The following PTH2R variants were observed in gnomAD, a reference collection of about 807,000 sequenced individuals.
PTH2R encodes parathyroid hormone 2 receptor.
PTH2R carries 59 observed loss-of-function variants against 60.3 expected under a neutral mutation model. That is an observed-to-expected ratio of 0.98 (90% CI 0.79 to 1.22). The LOEUF (loss-of-function observed/expected upper bound fraction) is 1.22. Among genes scored for constraint, PTH2R ranks in the 50% most tolerant of loss-of-function variants. PTH2R has a pLI of 0.00. For synonymous variants in PTH2R, 256 were observed against 243.8 expected (o/e 1.05, Z -0.47); for missense variants, 749 against 682.6 (o/e 1.10, Z -1.08).
At chr2:208,447,395 T>G (rs1348217470) in intron 7 of PTH2R, among the ~76,000 whole-genome samples, 1 of 151,988 alleles carries the variant, frequency 6.6e-6, no homozygotes. Flanking sequence ...GAGACCATCC[T>G]GGCTAACACG....
At chr2:208,480,708 A>G (rs918053550) in intron 9 of PTH2R, among the ~76,000 whole-genome samples, 4 of 152,228 alleles carry the variant, frequency 2.6e-5, no homozygotes, top group Admixed American at 2.0e-4. Context: ...TAAAGTAGAG[A>G]AGTAGCTGAG....
At chr2:208,374,500 C>G (rs546271717) in intron 1 of PTH2R, among the ~76,000 whole-genome samples, 10 of 152,068 alleles carry the variant, frequency 6.6e-5, no homozygotes, top group African/African-American at 2.4e-4. Context: ...AGAATTCAAA[C>G]GACATTTATT....
In PTH2R at chr2:208,382,297, G is replaced by A. The variant is rs912185600; in HGVS notation, c.-259+22060G>A. On this transcript the variant is annotated intron_variant, in intron 1 of 12. Coordinates refer to the PTH2R transcript ENST00000617735. ...ACATACATGTCTTTGTGTGGAAATAGGTTTTCATATCTCTTGGGTAAATAT... is the reference window on the plus strand; with the variant it reads ...ACATACATGTCTTTGTGTGGAAATAAGTTTTCATATCTCTTGGGTAAATAT... 3.3e-5 allele frequency among the ~76,000 whole-genome samples: 5 copies of A among 152,046 alleles called. 1 individual carries two copies. The highest frequency in any genetic ancestry group is 4.1e-4 in the South Asian group (2 of 4,834).
chr2:208,483,762 G>A (rs1309815907), intron 10 of PTH2R, among the ~76,000 whole-genome samples: 3 of 152,132 alleles, frequency 2.0e-5, no homozygotes, highest in Non-Finnish European at 4.4e-5. Context: ...ATTTTTTAAT[G>A]GCTGAAACAT....
intron 1 of PTH2R, among the ~76,000 whole-genome samples, chr2:208,423,768 C>T (rs1395249497): frequency 2.2e-5 from 3 of 138,144 alleles, no homozygotes; most frequent in Non-Finnish European, 3.1e-5. Context: ...TTTTGCAGCT[C>T]TGTTTTTTTG....
intron 10 of PTH2R, 146 bp from the exon 11 acceptor site, chr2:208,488,866 G>A: frequency 1.2e-6 from 1 of 829,374 alleles, no homozygotes; most frequent in Non-Finnish European, 1.8e-6. Flanking sequence ...GACAGATAGA[G>A]TGAAACCCTG....
chr2:208,377,016 G>A (rs998982130), intron 1 of PTH2R, among the ~76,000 whole-genome samples: 2 of 152,000 alleles, frequency 1.3e-5, no homozygotes, highest in Non-Finnish European at 2.9e-5. Context: ...AGAGGACCCT[G>A]CGGGCTTCCA....
intron 1 of PTH2R, among the ~76,000 whole-genome samples, chr2:208,380,837 A>T (rs1455404194): frequency 6.6e-6 from 1 of 152,124 alleles, no homozygotes; most frequent in Non-Finnish European, 1.5e-5. Flanking sequence ...TCCAGTACTG[A>T]CTGTCAGTAA....
At chr2:208,366,048 A>C (rs1220423250) in intron 1 of PTH2R, among the ~76,000 whole-genome samples, 3 of 123,050 alleles carry the variant, frequency 2.4e-5, no homozygotes, top group Middle Eastern at 0.014. Context: ...TCAGACTCCT[A>C]GGCTCAAGTG....
At chr2:208,481,329 G>A (rs1265946467) in intron 10 of PTH2R, among the ~76,000 whole-genome samples, 165 bp downstream of exon 10, 1 of 149,202 alleles carries the variant, frequency 6.7e-6, no homozygotes, top group African/African-American at 2.5e-5. Flanking sequence ...TCATGCCTCA[G>A]CCTCCCGAGT....
At chr2:208,428,408 A>G (rs934858629) in intron 2 of PTH2R, 105 bp downstream of exon 2, 8 of 766,016 alleles carry the variant, frequency 1.0e-5, no homozygotes, top group African/African-American at 3.4e-5. Flanking sequence ...TTATCAGTCA[A>G]TCCACATTTC....
At chr2:208,445,709 A>G (rs1435562278) in intron 7 of PTH2R, among the ~76,000 whole-genome samples, 1 of 152,186 alleles carries the variant, frequency 6.6e-6, no homozygotes, top group East Asian at 1.9e-4. Flanking sequence ...CTCCAAAATA[A>G]GAATATGCCT....
intron 7 of PTH2R, among the ~76,000 whole-genome samples, chr2:208,448,194 G>A (rs1442499394): frequency 6.6e-6 from 1 of 152,114 alleles, no homozygotes; most frequent in Non-Finnish European, 1.5e-5. Flanking sequence ...CCACTTGGCA[G>A]TAAGTGTTTA....
chr2:208,427,626 A>G (rs1404953596), intron 1 of PTH2R, among the ~76,000 whole-genome samples: 1 of 152,160 alleles, frequency 6.6e-6, no homozygotes, highest in African/African-American at 2.4e-5. Context: ...ATACCCAGCT[A>G]CGCATCTCCC....
intron 9 of PTH2R, among the ~76,000 whole-genome samples, chr2:208,470,289 C>G (rs1223733917): frequency 6.6e-6 from 1 of 152,194 alleles, no homozygotes; most frequent in Non-Finnish European, 1.5e-5. Flanking sequence ...CCCCATTCAC[C>G]CATCCTTTCA....
intron 1 of PTH2R, among the ~76,000 whole-genome samples, chr2:208,420,314 A>G (rs1332636303): frequency 6.6e-6 from 1 of 152,158 alleles, no homozygotes; most frequent in East Asian, 1.9e-4. Flanking sequence ...AAAAAAGTGA[A>G]GTCAAAAGAT....
At chr2:208,415,786 TA>T (rs1701629209) in intron 1 of PTH2R, among the ~76,000 whole-genome samples, 2 of 152,288 alleles carry the variant, frequency 1.3e-5, no homozygotes, top group East Asian at 1.9e-4. Flanking sequence ...TAACTTCTTT[TA>T]AAAAATGAGG....
intron 8 of PTH2R, among the ~76,000 whole-genome samples, chr2:208,454,461 G>C (rs562952932): frequency 6.6e-6 from 1 of 152,274 alleles, no homozygotes; most frequent in South Asian, 2.1e-4. Context: ...CTCTCTCTCT[G>C]TGCACACAAA....
At chr2:208,377,548 A>ACCC (rs1164732025) in intron 1 of PTH2R, among the ~76,000 whole-genome samples, 1 of 141,090 alleles carries the variant, frequency 7.1e-6, no homozygotes, top group Admixed American at 6.9e-5. Flanking sequence ...GCGGGGGCTG[A>ACCC]CCCCCCACCT....
Sources: allele counts gnomAD v4.1 joint callset (sites outside exome capture counted in the v4.1 genomes callset), GRCh38; gene constraint gnomAD v4.1.1; transcripts MANE v1.5; gene names NCBI Gene and HGNC (gene_info 2026-07-23, HGNC 2026-07-21).